NME7: variants seen among roughly 807,000 people sequenced by gnomAD.
NME7 encodes the protein nucleoside diphosphate kinase 7.
NME7 carries 41 observed loss-of-function variants against 49.1 expected under a neutral mutation model. The ratio of observed to expected loss-of-function variants is 0.83; its 90% CI spans 0.65 to 1.08. NME7 has a LOEUF of 1.08. Ranked by LOEUF, NME7 falls within the 50% of genes least tolerant of loss-of-function variation. The pLI is 0.00. For missense variants in NME7, 423 were observed against 463.4 expected (o/e 0.91, Z 0.80); for synonymous variants, 139 against 150.6 (o/e 0.92, Z 0.56).
intron 6 of NME7, among the ~76,000 whole-genome samples, 150 bp downstream of exon 6, chr1:169,298,402 CTGTT>C (rs1320948489): frequency 6.6e-6 from 1 of 152,168 alleles, no homozygotes; most frequent in Non-Finnish European, 1.5e-5. Flanking sequence ...CACTGAATCA[CTGTT>C]TGATAGTAGG....
intron 10 of NME7, among the ~76,000 whole-genome samples, chr1:169,187,617 A>C (rs1328587192): frequency 6.6e-6 from 1 of 151,832 alleles, no homozygotes; most frequent in South Asian, 2.1e-4. Flanking sequence ...ATATTCCTCC[A>C]TCCCTTTATT....
At chr1:169,133,102 T>TTA (rs1658298966) in intron 11 of NME7, among the ~76,000 whole-genome samples, 1 of 152,130 alleles carries the variant, frequency 6.6e-6, no homozygotes, top group Non-Finnish European at 1.5e-5. Context: ...AAAAAAAAGT[T>TTA]GTTAGCACTT....
intron 10 of NME7, among the ~76,000 whole-genome samples, chr1:169,202,676 A>G (rs1660580773): frequency 6.6e-6 from 1 of 152,206 alleles, no homozygotes; most frequent in Non-Finnish European, 1.5e-5. Context: ...GATGAGGTTA[A>G]TAACTTTGAA....
intron 10 of NME7, among the ~76,000 whole-genome samples, chr1:169,229,185 AC>A (rs1321044821): frequency 6.6e-6 from 1 of 152,206 alleles, no homozygotes; most frequent in Non-Finnish European, 1.5e-5. Flanking sequence ...CTAAAATCAC[AC>A]CCATCTCTAC....
intron 10 of NME7, among the ~76,000 whole-genome samples, chr1:169,180,785 T>C (rs114334035): frequency 0.014 from 2,204 of 152,270 alleles, 45 homozygotes; most frequent in African/African-American, 0.048. Flanking sequence ...TTAATAAAAA[T>C]TATTAATGAG....
chr1:169,191,303 T>C (rs1263162575), intron 10 of NME7, among the ~76,000 whole-genome samples: 1 of 152,230 alleles, frequency 6.6e-6, no homozygotes, highest in Non-Finnish European at 1.5e-5. Context: ...GTTTGTTGGT[T>C]GCCATTAAAG....
chr1:169,323,151 A>T lies in NME7; in HGVS notation c.244T>A (p.Tyr82Asn), dbSNP rs751117653. ...CTACTGCCCAGCTGGCGAGCTGTATATTGATCCCCATAGTCAATTAATACC... is the reference window on the plus strand; with the variant it reads ...CTACTGCCCAGCTGGCGAGCTGTATTTTGATCCCCATAGTCAATTAATACC... The part of the protein sequence containing the change: ...QLVLIDYGDQ[Y>N]TARQLGSRKE... The change falls in exon 3 of 12, where the codon TAT becomes AAT. Residue 82 changes from tyrosine (Y) to asparagine (N), a missense_variant. Transcript: ENST00000367811. The T allele has an allele frequency of 6.2e-7, 1 of 1,605,762 alleles. No homozygotes were observed. Among genetic ancestry groups the T allele is most frequent in the Non-Finnish European group, 8.5e-7 (1 of 1,176,722 alleles).
At chr1:169,283,204 C>T (rs988745387) in intron 7 of NME7, among the ~76,000 whole-genome samples, 8 of 151,952 alleles carry the variant, frequency 5.3e-5, no homozygotes, top group African/African-American at 1.9e-4. Context: ...AATGTAATGC[C>T]CTTCTTTGTC....
At chr1:169,304,466 C>CT (rs1227328275) in intron 4 of NME7, among the ~76,000 whole-genome samples, 1 of 152,106 alleles carries the variant, frequency 6.6e-6, no homozygotes, top group Non-Finnish European at 1.5e-5. Flanking sequence ...ATCACGCATA[C>CT]TCTCATTCTA....
Position 169,265,958 on chromosome 1 carries a change from C to G in NME7, c.754+21345G>C, listed in dbSNP as rs1272519917. Among the ~76,000 whole-genome samples, 8 of 131,358 alleles carry G rather than the reference C, an allele frequency of 6.1e-5. 2 individuals carry two copies. The highest frequency in any genetic ancestry group is 1.4e-4 in the Non-Finnish European group (8 of 55,686). The allele number at this position is 131,358 out of a possible 152,430, so 86.2% of individuals were successfully genotyped here. On this transcript the variant is annotated intron_variant, in intron 7 of 11. Coordinates refer to ENST00000367811, the MANE Select transcript of NME7 (RefSeq NM_013330.5). ...AGCAGACCAATAGTGACCTCTGAAA[C>G]TGAATCAGTAAAAGCCTACCAATCA... is the stretch of plus-strand genomic sequence containing the variant.
At chr1:169,136,997 G>T (rs1658452592) in intron 11 of NME7, among the ~76,000 whole-genome samples, 1 of 152,250 alleles carries the variant, frequency 6.6e-6, no homozygotes, top group South Asian at 2.1e-4. Context: ...CTATCGCACA[G>T]TTGTGGAATT....
chr1:169,274,391 G>A lies in NME7; in HGVS notation c.754+12912C>T, dbSNP rs1649615684. Among the ~76,000 whole-genome samples the A allele has an allele frequency of 2.3e-5, 3 of 132,494 alleles. 1 individual carries two copies. The highest frequency in any genetic ancestry group is 4.7e-4 in the South Asian group (2 of 4,282). 86.9% of individuals were successfully genotyped at this position (132,494 alleles called of 152,430 possible). A position where few individuals can be genotyped will look rare whatever the true frequency, so the allele number is the denominator to read the frequency against. On this transcript the variant is annotated intron_variant, in intron 7 of 11. Transcript: ENST00000367811. ...GCCCTTTGTCAGAAGAGTAGGTTGC[G>A]AAAATTTTCTCCCATTTTGTAGGTT...
At chr1:169,149,882 G>C (rs1291597322) in intron 11 of NME7, among the ~76,000 whole-genome samples, 1 of 152,224 alleles carries the variant, frequency 6.6e-6, no homozygotes, top group Non-Finnish European at 1.5e-5. Flanking sequence ...TGGATAAGGG[G>C]AGATTACTGT....
chr1:169,148,173 T>A, intron 11 of NME7, among the ~76,000 whole-genome samples: 1 of 152,090 alleles, frequency 6.6e-6, no homozygotes, highest in Non-Finnish European at 1.5e-5. Flanking sequence ...TGGCTAATTT[T>A]TGTATTTTTT....
At chr1:169,234,401 C>T (rs1173944896) in intron 9 of NME7, among the ~76,000 whole-genome samples, 5 of 151,972 alleles carry the variant, frequency 3.3e-5, no homozygotes, top group Non-Finnish European at 7.4e-5. Flanking sequence ...GGAATTATCA[C>T]CTTTTTATGA....
intron 10 of NME7, among the ~76,000 whole-genome samples, chr1:169,210,051 T>C (rs1336719465): frequency 6.6e-6 from 1 of 152,146 alleles, no homozygotes; most frequent in African/African-American, 2.4e-5. Context: ...AGACTATAAA[T>C]TCCATGTGGA....
chr1:169,367,616 C>T, intron 1 of NME7, 92 bp downstream of exon 1: 1 of 1,447,142 alleles, frequency 6.9e-7, no homozygotes, highest in East Asian at 2.3e-5. Flanking sequence ...TCGGGAGGAC[C>T]GGACAACTTT....
intron 7 of NME7, among the ~76,000 whole-genome samples, chr1:169,251,186 A>G (rs191752849): frequency 7.9e-4 from 120 of 152,112 alleles, no homozygotes; most frequent in African/African-American, 2.7e-3. Context: ...TTAGGAATAT[A>G]ATATCTTCTT....
intron 1 of NME7, among the ~76,000 whole-genome samples, chr1:169,335,807 T>C (rs1307604243): frequency 6.7e-6 from 1 of 148,764 alleles, no homozygotes; most frequent in Non-Finnish European, 1.5e-5. Flanking sequence ...TATATACATA[T>C]ATATAGAAAG....
Sources: allele counts gnomAD v4.1 joint callset (sites outside exome capture counted in the v4.1 genomes callset), GRCh38; gene constraint gnomAD v4.1.1; transcripts MANE v1.5; gene names NCBI Gene and HGNC (gene_info 2026-07-23, HGNC 2026-07-21).